MLYCD: variants seen among roughly 807,000 people sequenced by gnomAD.
MLYCD encodes the protein malonyl-CoA decarboxylase, also known as malonyl-CoA decarboxylase, mitochondrial.
MLYCD carries 27 observed loss-of-function variants against 35.8 expected under a neutral mutation model. The ratio of observed to expected loss-of-function variants is 0.75; its 90% confidence interval spans 0.56 to 1.04. MLYCD has a LOEUF of 1.04. Among genes scored for constraint, MLYCD ranks in the 50% least tolerant of loss-of-function variants. The pLI, the probability that MLYCD is intolerant of heterozygous loss-of-function variation, is 0.00. For synonymous variants in MLYCD, 403 were observed against 302.4 expected (o/e 1.33, Z -3.45); for missense variants, 917 against 665.1 (o/e 1.38, Z -4.17).
rs376453144 is a variant in MLYCD at position 83,912,276 on chromosome 16, C to T, written c.857C>T (p.Ala286Val). 21 of 1,614,072 alleles carry T rather than the reference C, an allele frequency of 1.3e-5. No homozygotes were observed. Among genetic ancestry groups the T allele is most frequent in the Non-Finnish European group, 1.6e-5 (19 of 1,180,018 alleles). Residue 286 changes from alanine to valine, a missense_variant, in exon 4 of 5, where the codon GCG becomes GTG. Transcript: ENST00000262430. ...GAAGAGAAGAACAAAATCACTGCTG[C>T]GATCTTTTATTCCATCAGCTTGACC... Reference protein sequence around the residue: ...ETEEKNKITAAIFYSISLTQQ... With the variant: ...ETEEKNKITAVIFYSISLTQQ...
chr16:83,906,138 G>A lies in MLYCD; in HGVS notation c.529-849G>A, dbSNP rs1012122135. ...ACAGTGGCTGACGCCTGTAATCCCA[G>A]CACTTTGAGAGGCCGAGGCAGGCAG... On this transcript the variant is annotated intron_variant, in intron 1 of 4. Transcript: ENST00000262430. Among the ~76,000 whole-genome samples, 4 of 152,140 alleles carry A rather than the reference G, an allele frequency of 2.6e-5. No homozygotes were observed. In the South Asian group the frequency reaches 6.2e-4, roughly 24 times the overall value.
At chr16:83,906,059 ATTATT>A (rs1202708611) in intron 1 of MLYCD, among the ~76,000 whole-genome samples, 1 of 152,178 alleles carries the variant, frequency 6.6e-6, no homozygotes, top group Non-Finnish European at 1.5e-5. Flanking sequence ...CAGATACGCT[ATTATT>A]TTATGTCCCT....
rs375307052 is a variant in MLYCD, at chr16:83,926,059, C to T, written c.*10570C>T. 3 of 152,298 alleles carry T rather than the reference C, an allele frequency of 2.0e-5. No homozygotes were observed. Among genetic ancestry groups the T allele is most frequent in the African/African-American group, 7.2e-5 (3 of 41,468 alleles). 9.4% of individuals were successfully genotyped at this position (152,298 alleles called of 1,614,324 possible). A position where few individuals can be genotyped will look rare whatever the true frequency, so the allele number is the denominator to read the frequency against. ...CAATGTGACACTTGCAGAGGGGACC[C>T]CTGGCCTGGGGCCACGCTGGTTACT... On this transcript the variant is annotated 3_prime_UTR_variant, in exon 5 of 5. Coordinates refer to ENST00000262430, the MANE Select transcript of MLYCD (RefSeq NM_012213.3).
Position 83,923,838 on chromosome 16 carries a change from C to G in MLYCD, c.*8349C>G, listed in dbSNP as rs1907726494. The G allele has an allele frequency of 6.6e-6, 1 of 152,566 alleles. No homozygotes were observed. The highest frequency in any genetic ancestry group is 1.5e-5 in the Non-Finnish European group (1 of 68,406). The allele number at this position is 152,566 out of a possible 1,614,324, so 9.5% of individuals were successfully genotyped here. A position where few individuals can be genotyped will look rare whatever the true frequency, so the allele number is the denominator to read the frequency against. On this transcript the variant is annotated 3_prime_UTR_variant, in exon 5 of 5. Coordinates refer to ENST00000262430, the MANE Select transcript of MLYCD (RefSeq NM_012213.3). Reference sequence around the variant, plus strand: ...CAGAGAGGAGAAGGCCAGCAGTGGGCAGAACAGAGTGGGCCGCAGGTTTTG... The same window carrying G: ...CAGAGAGGAGAAGGCCAGCAGTGGGGAGAACAGAGTGGGCCGCAGGTTTTG...
intron 3 of MLYCD, chr16:83,911,537 G>C (rs776109687): frequency 6.5e-6 from 1 of 153,962 alleles, no homozygotes; most frequent in African/African-American, 2.4e-5. Context: ...ATTAGAAAAC[G>C]CTGCCGTGAG....
chr16:83,908,822 C>T (rs535097133), intron 3 of MLYCD, among the ~76,000 whole-genome samples: 3 of 152,202 alleles, frequency 2.0e-5, no homozygotes, highest in African/African-American at 4.8e-5. Flanking sequence ...CTGAAACACT[C>T]CTGCAGGCCC....
chr16:83,914,671 C>G, intron 4 of MLYCD: 1 of 457,702 alleles, frequency 2.2e-6, no homozygotes, highest in South Asian at 2.1e-5. Flanking sequence ...CCCAGCTACT[C>G]AGCAGGCTGA....
intron 2 of MLYCD, among the ~76,000 whole-genome samples, chr16:83,907,651 T>G (rs1907029299): frequency 6.6e-6 from 1 of 152,218 alleles, no homozygotes; most frequent in Non-Finnish European, 1.5e-5. Context: ...AGTGTCCTAT[T>G]TGAAATGTAA....
intron 1 of MLYCD, among the ~76,000 whole-genome samples, chr16:83,899,950 G>T (rs150560552): frequency 6.6e-6 from 1 of 152,334 alleles, no homozygotes; most frequent in East Asian, 1.9e-4. Context: ...TAAGGTAGCT[G>T]TCACCTCTCG....
intron 1 of MLYCD, among the ~76,000 whole-genome samples, chr16:83,899,955 C>G (rs190125457): frequency 2.0e-5 from 3 of 152,212 alleles, no homozygotes; most frequent in African/African-American, 4.8e-5. Context: ...TAGCTGTCAC[C>G]TCTCGTACCT....
Position 83,916,135 on chromosome 16 carries a change from A to G in MLYCD, c.*646A>G. The G allele has an allele frequency of 1.3e-5, 13 of 993,424 alleles. No homozygotes were observed. Among genetic ancestry groups the G allele is most frequent in the Non-Finnish European group, 1.2e-5 (10 of 833,450 alleles). 61.5% of individuals were successfully genotyped at this position (993,424 alleles called of 1,614,324 possible). ...TTTAAATGATCAGGGATTCAGGTTC[A>G]TAATGAACTTCACAGTAAAGAACAC... On this transcript the variant is annotated 3_prime_UTR_variant, in exon 5 of 5. Transcript: ENST00000262430.
In MLYCD at chr16:83,922,419, A is replaced by T. The variant is rs1482891484; in HGVS notation, c.*6930A>T. On this transcript the variant is annotated 3_prime_UTR_variant, in exon 5 of 5. Transcript: ENST00000262430. ...GTTCAGACTTGAGGGGTGCCACTGG[A>T]GTTGGGGTGCACCTGCTCTCACCTG... The T allele has an allele frequency of 6.6e-6, 1 of 152,190 alleles. No homozygotes were observed. The highest frequency in any genetic ancestry group is 1.5e-5 in the Non-Finnish European group (1 of 68,104). The allele number at this position is 152,190 out of a possible 1,614,324, so 9.4% of individuals were successfully genotyped here. A position where few individuals can be genotyped will look rare whatever the true frequency, so the allele number is the denominator to read the frequency against.
rs1050470037 is a variant in MLYCD at position 83,915,854 on chromosome 16, C to T, written c.*365C>T. 1.7e-6 allele frequency: 2 copies of T among 1,202,474 alleles called. No individual in the cohort carries two copies. Among genetic ancestry groups the T allele is most frequent in the Non-Finnish European group, 1.0e-6 (1 of 955,256 alleles). The allele number at this position is 1,202,474 out of a possible 1,614,324, so 74.5% of individuals were successfully genotyped here. A position where few individuals can be genotyped will look rare whatever the true frequency, so the allele number is the denominator to read the frequency against. ...CCATCCCAGGGGGATCTGGCATCCT[C>T]CTAAGGACCGGGGCGCGTGGCCCAG... On this transcript the variant is annotated 3_prime_UTR_variant, in exon 5 of 5. Transcript: ENST00000262430.
At chr16:83,912,080 GA>G (rs911787903) in intron 3 of MLYCD, 137 bp from the exon 4 acceptor site, 1 of 1,273,086 alleles carries the variant, frequency 7.9e-7, no homozygotes, top group African/African-American at 1.5e-5. Flanking sequence ...TCTGTAGCCT[GA>G]ACCCCAGCTG....
In MLYCD at chr16:83,908,206, C is replaced by A; in HGVS notation, c.722C>A (p.Ser241Tyr). Reference sequence around the variant, plus strand: ...CCCTACAGAAGGTGTTACTTCTTTTCTCACTGTTCGACCCCTGGGGAGCCC... The same window carrying A: ...CCCTACAGAAGGTGTTACTTCTTTTATCACTGTTCGACCCCTGGGGAGCCC... ...VGPYRRCYFF[S>Y]HCSTPGEPLV... is the part of the protein sequence containing the mutation. Residue 241 changes from serine (S) to tyrosine (Y), a missense_variant, in exon 3 of 5, where the codon TCT becomes TAT. Ser to Tyr is a moderately radical substitution (Grantham distance 144). Transcript: ENST00000262430. 1 of 1,614,254 alleles carries A rather than the reference C, an allele frequency of 6.2e-7. No individual in the cohort carries two copies. Among genetic ancestry groups the A allele is most frequent in the Non-Finnish European group, 8.5e-7 (1 of 1,180,054 alleles).
rs1418229542 is a variant in MLYCD, at chr16:83,915,048, G to C, written c.1041G>C (p.Lys347Asn). 6.2e-7 allele frequency: 1 copy of C among 1,614,238 alleles called. No homozygotes were observed. The highest frequency in any genetic ancestry group is 1.3e-5 in the African/African-American group (1 of 75,054). The change falls in exon 5 of 5, where the codon AAG becomes AAC. Residue 347 changes from lysine to asparagine, a missense_variant. Coordinates refer to ENST00000262430, the MANE Select transcript of MLYCD (RefSeq NM_012213.3). The stretch of plus-strand genomic sequence containing the variant: ...TGGGGCTTCTGAACTCGCAAACGAA[G>C]GAGCATGGGAGGAATGAACTCTTTA... ...WLLGLLNSQTKEHGRNELFTD... is the reference protein window; with the variant it reads ...WLLGLLNSQTNEHGRNELFTD...
At chr16:83,902,504 ATTTT>A (rs67006643) in intron 1 of MLYCD, among the ~76,000 whole-genome samples, 8,038 of 127,554 alleles carry the variant, frequency 0.063, 273 homozygotes, top group East Asian at 0.15. Flanking sequence ...TTTTAATCTG[ATTTT>A]TTTTTTTTTT....
chr16:83,904,935 A>C (rs767762522), intron 1 of MLYCD, among the ~76,000 whole-genome samples: 1 of 152,300 alleles, frequency 6.6e-6, no homozygotes, highest in East Asian at 1.9e-4. Context: ...GGGGTCACAC[A>C]GAACAAATTT....
At position 83,915,685 on chromosome 16, in the gene MLYCD, C is replaced by A; in HGVS notation, c.*196C>A. On this transcript the variant is annotated 3_prime_UTR_variant, in exon 5 of 5. Transcript: ENST00000262430. ...GGCGTGACATGCACCCAGTGCAAGA[C>A]GGTTGTGGGTGCGGGTGCACACAAA... 1 of 1,469,774 alleles carries A rather than the reference C, an allele frequency of 6.8e-7. No homozygotes were observed. 91.0% of individuals were successfully genotyped at this position (1,469,774 alleles called of 1,614,324 possible).
Sources: allele counts gnomAD v4.1 joint callset (sites outside exome capture counted in the v4.1 genomes callset), GRCh38; gene constraint gnomAD v4.1.1; transcripts MANE v1.5; gene names NCBI Gene and HGNC (gene_info 2026-07-23, HGNC 2026-07-21).